HPSE2: variants seen among roughly 807,000 people sequenced by gnomAD.
HPSE2 encodes the protein inactive heparanase-2.
A neutral mutation model predicts 60.5 loss-of-function variants in HPSE2; 38 were observed. The observed-to-expected ratio is 0.63, with a 90% CI of 0.48 to 0.82. The LOEUF (loss-of-function observed/expected upper bound fraction) is 0.82. Ranked by LOEUF, HPSE2 falls within the 40% of genes least tolerant of loss-of-function variation. The pLI is 0.00. For missense variants in HPSE2, 713 were observed against 740.4 expected, an observed-to-expected ratio of 0.96 and a Z score of 0.43; for synonymous variants, 295 against 293.2, an observed-to-expected ratio of 1.01 and a Z score of -0.06.
At chr10:99,313,140 G>A in the HPSE2 span, among the ~76,000 whole-genome samples, 5 of 152,252 alleles carry the variant, frequency 3.3e-5, no homozygotes, top group Admixed American at 1.3e-4. Flanking sequence ...GGTAAACCTC[G>A]TTTCTTTATA....
At chr10:98,475,363 C>T (rs1940965449) in intron 11 of HPSE2, among the ~76,000 whole-genome samples, 2 of 152,158 alleles carry the variant, frequency 1.3e-5, no homozygotes, top group Admixed American at 1.3e-4. Flanking sequence ...CTTGTGACCC[C>T]CCGCCTCGGC....
intron 9 of HPSE2, among the ~76,000 whole-genome samples, chr10:98,523,091 T>A (rs1356927854): frequency 6.7e-6 from 1 of 150,104 alleles, no homozygotes; most frequent in Non-Finnish European, 1.5e-5. Flanking sequence ...ACCCAACCAT[T>A]GGAAAGGTTT....
chr10:99,046,755 GA>G (rs765162713), intron 3 of HPSE2, among the ~76,000 whole-genome samples: 20 of 151,774 alleles, frequency 1.3e-4, no homozygotes, highest in Non-Finnish European at 2.4e-4. Context: ...AAATACCTAG[GA>G]ATATAGCTAA....
chr10:99,047,883 A>G, intron 3 of HPSE2: 1 of 766,136 alleles, frequency 1.3e-6, no homozygotes, highest in Non-Finnish European at 2.4e-6. Flanking sequence ...GGCAACTTTA[A>G]TGTACCTTCA....
intron 6 of HPSE2, among the ~76,000 whole-genome samples, chr10:98,684,973 A>G (rs1047896022): frequency 2.0e-5 from 3 of 152,154 alleles, no homozygotes; most frequent in African/African-American, 7.2e-5. Flanking sequence ...AGATAAGTAT[A>G]TTTGTTTAGG....
intron 7 of HPSE2, among the ~76,000 whole-genome samples, chr10:98,640,050 G>A (rs1946598975): frequency 6.6e-6 from 1 of 152,094 alleles, no homozygotes; most frequent in African/African-American, 2.4e-5. Flanking sequence ...CCTTCTAGAG[G>A]GCAATATGTA....
the HPSE2 span, among the ~76,000 whole-genome samples, chr10:99,295,458 A>G: frequency 6.6e-6 from 1 of 152,224 alleles, no homozygotes; most frequent in Admixed American, 6.5e-5. Context: ...TGTTAAGTGA[A>G]AAAAAGCAAG....
intron 2 of HPSE2, among the ~76,000 whole-genome samples, chr10:99,159,656 G>A (rs1158833163): frequency 6.6e-6 from 1 of 151,922 alleles, no homozygotes; most frequent in Non-Finnish European, 1.5e-5. Flanking sequence ...CAAAAGAAAA[G>A]CCTCAAAATC....
At position 98,505,340 on chromosome 10, in the gene HPSE2, A is replaced by C. The variant is rs537863648; in HGVS notation, c.1321-15144T>G. 2.0e-5 allele frequency among the ~76,000 whole-genome samples: 3 copies of C among 152,330 alleles called. No individual in the cohort carries two copies. In the East Asian group the frequency reaches 5.8e-4, roughly 29 times the overall value. On this transcript the variant is annotated intron_variant, in intron 9 of 11. Coordinates refer to ENST00000370552, the MANE Select transcript of HPSE2 (RefSeq NM_021828.5). ...AGGATCCAAAATTGTGCGACACTCC[A>C]GGTGATTCTGATGCTCATTAAAGTT... is the stretch of plus-strand genomic sequence containing the variant.
chr10:99,295,476 C>T, the HPSE2 span, among the ~76,000 whole-genome samples: 2 of 152,142 alleles, frequency 1.3e-5, no homozygotes, highest in Non-Finnish European at 2.9e-5. Flanking sequence ...AAGATAAAAT[C>T]ATACATAAAC....
At chr10:98,582,863 C>A (rs1171564687) in intron 9 of HPSE2, among the ~76,000 whole-genome samples, 2 of 152,140 alleles carry the variant, frequency 1.3e-5, no homozygotes, top group Admixed American at 6.5e-5. Flanking sequence ...TCATCACCCA[C>A]AAAAGAAATT....
rs1401707426 is a variant in HPSE2 at position 98,600,915 on chromosome 10, A to ATATGTGTGTGTGTG, written c.1320+13988_1320+13989insCACACACACACATA. ...TACGTATATATATGTGTGTGTGTAT[A>ATATGTGTGTGTGTG]TATATATATATATATATATATATAT... On this transcript the variant is annotated intron_variant, in intron 9 of 11. Coordinates refer to ENST00000370552, the MANE Select transcript of HPSE2 (RefSeq NM_021828.5). 6.0e-3 allele frequency among the ~76,000 whole-genome samples: 201 copies of ATATGTGTGTGTGTG among 33,594 alleles called. 3 individuals carry two copies. Among genetic ancestry groups the ATATGTGTGTGTGTG allele is most frequent in the Middle Eastern group, 0.037 (2 of 54 alleles). The allele number at this position is 33,594 out of a possible 152,430, so 22.0% of individuals were successfully genotyped here. A position where few individuals can be genotyped will look rare whatever the true frequency, so the allele number is the denominator to read the frequency against.
intron 3 of HPSE2, among the ~76,000 whole-genome samples, chr10:99,124,766 G>A (rs1845098971): frequency 6.6e-6 from 1 of 152,260 alleles, no homozygotes; most frequent in Admixed American, 6.5e-5. Context: ...ATTTGAGAGT[G>A]CAGAGATCCC....
rs770888946 is a variant in HPSE2 at position 98,490,135 on chromosome 10, A to G, written c.1382T>C (p.Val461Ala). ...LIGPKVLAVH[V>A]AGLQRKPRPG... ...CCGTGGCTTCCGCTGGAGCCCAGCCACATGCACAGCCAAGACTTTGGGGCC... is the reference window on the plus strand; with the variant it reads ...CCGTGGCTTCCGCTGGAGCCCAGCCGCATGCACAGCCAAGACTTTGGGGCC... The change falls in exon 10 of 12, where the codon GTG becomes GCG. Residue 461 changes from valine (V) to alanine (A), a missense_variant. Transcript: ENST00000370552. The G allele has an allele frequency of 1.9e-6, 3 of 1,614,244 alleles. No homozygotes were observed. The Admixed American group carries it at 5.0e-5, about 27-fold the overall frequency.
At chr10:98,544,595 C>A (rs1943593352) in intron 9 of HPSE2, among the ~76,000 whole-genome samples, 1 of 151,368 alleles carries the variant, frequency 6.6e-6, no homozygotes, top group South Asian at 2.1e-4. Context: ...CGCCTGTAGT[C>A]CCAGCTACGC....
In HPSE2 at chr10:98,868,728, G is replaced by C. The variant is rs115726511; in HGVS notation, c.611-124672C>G. On this transcript the variant is annotated intron_variant, in intron 3 of 11. Coordinates refer to ENST00000370552, the MANE Select transcript of HPSE2 (RefSeq NM_021828.5). Reference sequence around the variant, plus strand: ...CTTGATTTTCTAATATATACATTTAGCATGATAATTCTCTCTCTAAAGTAC... The same window carrying C: ...CTTGATTTTCTAATATATACATTTACCATGATAATTCTCTCTCTAAAGTAC... Among the ~76,000 whole-genome samples the C allele has an allele frequency of 7.5e-3, 1,134 of 152,110 alleles. 14 individuals are homozygous for C. The highest frequency in any genetic ancestry group is 0.026 in the African/African-American group (1,067 of 41,508).
In HPSE2 at chr10:98,619,381, G is replaced by A. The variant is rs188487567; in HGVS notation, c.1205+1221C>T. ...TTCTGGCTTAAGTCATTCTCCAGAC[G>A]ACTGTAGTAGCCTTCAAATTCATTT... On this transcript the variant is annotated intron_variant, in intron 8 of 11. Coordinates refer to ENST00000370552, the MANE Select transcript of HPSE2 (RefSeq NM_021828.5). 5.3e-5 allele frequency among the ~76,000 whole-genome samples: 8 copies of A among 152,284 alleles called. No homozygotes were observed. The East Asian group carries it at 1.4e-3, about 26-fold the overall frequency.
intron 3 of HPSE2, among the ~76,000 whole-genome samples, chr10:99,031,470 A>G (rs1199471879): frequency 1.3e-5 from 2 of 152,202 alleles, no homozygotes; most frequent in African/African-American, 4.8e-5. Context: ...GAGTTAGTGA[A>G]TACTCAAATT....
At chr10:98,559,505 C>T (rs56108590) in intron 9 of HPSE2, among the ~76,000 whole-genome samples, 10,023 of 152,182 alleles carry the variant, frequency 0.066, 1,090 homozygotes, top group African/African-American at 0.23. Context: ...TCCTGACCTG[C>T]GCTAGCACTC....
Sources: gnomAD v4.1 joint callset for allele counts (sites outside exome capture counted in the v4.1 genomes callset) on GRCh38, gnomAD v4.1.1 for gene constraint, MANE v1.5 for transcripts, NCBI Gene and HGNC (gene_info 2026-07-23, HGNC 2026-07-21) for gene names.